The following B4GALNT3 variants were observed in gnomAD, a reference collection of about 807,000 sequenced individuals.
B4GALNT3 encodes the protein beta-1,4-N-acetyl-galactosaminyltransferase 3, also known as beta-1,4-N-acetylgalactosaminyltransferase 3.
B4GALNT3 carries 86 observed loss-of-function variants against 120.2 expected under a neutral mutation model. That is an observed-to-expected ratio of 0.72 (90% CI 0.60 to 0.86). B4GALNT3 has a LOEUF of 0.86. B4GALNT3 is among the 40% of genes least tolerant of loss of function. The pLI, the probability that B4GALNT3 is intolerant of heterozygous loss-of-function variation, is 0.00. For synonymous variants in B4GALNT3, 518 were observed against 510.4 expected (o/e 1.01, Z -0.20); for missense variants, 1,167 against 1,298.9 (o/e 0.90, Z 1.56).
At chr12:523,859 G>A (rs962439805) in intron 1 of B4GALNT3, among the ~76,000 whole-genome samples, 5 of 152,260 alleles carry the variant, frequency 3.3e-5, no homozygotes, top group South Asian at 2.1e-4. Context: ...TCAGGAGTTC[G>A]AGACCAGCCT....
intron 1 of B4GALNT3, among the ~76,000 whole-genome samples, chr12:502,471 G>C (rs1013014818): frequency 6.6e-6 from 1 of 152,092 alleles, no homozygotes; most frequent in Non-Finnish European, 1.5e-5. Flanking sequence ...CAAATGATGA[G>C]GACAGGCAAG....
At chr12:535,335 A>G in intron 2 of B4GALNT3, 66 bp downstream of exon 2, 1 of 1,383,914 alleles carries the variant, frequency 7.2e-7, no homozygotes, top group Non-Finnish European at 1.0e-6. Context: ...TGCTCTGCCC[A>G]GTTGCCTTAA....
At position 556,726 on chromosome 12, in the gene B4GALNT3, C is replaced by T. The variant is rs747505365; in HGVS notation, c.2240C>T (p.Ala747Val). ...IDPAGGEEVE[A>V]RNLQGLVWDP... ...CCAGCTGGTGGGGAGGAGGTCGAGGCCCGGAACCTGCAAGGCCTGGTCTGG... is the reference window on the plus strand; with the variant it reads ...CCAGCTGGTGGGGAGGAGGTCGAGGTCCGGAACCTGCAAGGCCTGGTCTGG... The change falls in exon 15 of 20, where the codon GCC (alanine) becomes GTC (valine). Residue 747 changes from alanine (A) to valine (V), a missense_variant. By Grantham distance (64) the Ala-to-Val change is moderately conservative (BLOSUM62 0). Transcript: ENST00000266383. The T allele has an allele frequency of 6.2e-7, 1 of 1,613,822 alleles. No individual in the cohort carries two copies. The highest frequency in any genetic ancestry group is 8.5e-7 in the Non-Finnish European group (1 of 1,179,984).
intron 3 of B4GALNT3, among the ~76,000 whole-genome samples, chr12:536,752 G>T (rs551787292): frequency 1.5e-4 from 23 of 152,322 alleles, no homozygotes; most frequent in Admixed American, 2.6e-4. Context: ...TGTGTGGCAG[G>T]CTTTGTGGAT....
intron 1 of B4GALNT3, among the ~76,000 whole-genome samples, chr12:488,622 CA>C (rs1236859187): frequency 6.6e-6 from 1 of 152,066 alleles, no homozygotes; most frequent in Admixed American, 6.6e-5. Flanking sequence ...GCCTGGGCAA[CA>C]TAGCAAGACC....
At chr12:554,019 G>T (rs1374979123) in intron 14 of B4GALNT3, 36 bp downstream of exon 14, 1 of 1,467,426 alleles carries the variant, frequency 6.8e-7, no homozygotes, top group Admixed American at 1.7e-5. Flanking sequence ...CAGGGACTGG[G>T]GCACGTGGCA....
intron 1 of B4GALNT3, among the ~76,000 whole-genome samples, chr12:515,743 T>C (rs777261025): frequency 2.0e-5 from 3 of 152,156 alleles, no homozygotes; most frequent in Non-Finnish European, 2.9e-5. Context: ...AGCGCCTGAC[T>C]CTGAAGTTCT....
chr12:476,915 C>T (rs1364755469), intron 1 of B4GALNT3, among the ~76,000 whole-genome samples: 1 of 152,214 alleles, frequency 6.6e-6, no homozygotes, highest in African/African-American at 2.4e-5. Flanking sequence ...TGGCAGACAT[C>T]TCCAATAGAA....
At chr12:504,213 C>T (rs922292461) in intron 1 of B4GALNT3, among the ~76,000 whole-genome samples, 2 of 148,884 alleles carry the variant, frequency 1.3e-5, no homozygotes, top group African/African-American at 5.0e-5. Flanking sequence ...CCTGGGAAGT[C>T]GAGGCTGCAG....
intron 1 of B4GALNT3, among the ~76,000 whole-genome samples, chr12:498,830 G>A (rs1365286662): frequency 6.6e-6 from 1 of 152,218 alleles, no homozygotes; most frequent in Non-Finnish European, 1.5e-5. Flanking sequence ...GTGGGTCAGA[G>A]AGCACCATTC....
At chr12:497,398 C>A (rs1483933484) in intron 1 of B4GALNT3, among the ~76,000 whole-genome samples, 6 of 152,206 alleles carry the variant, frequency 3.9e-5, no homozygotes, top group Non-Finnish European at 7.3e-5. Flanking sequence ...CCGCCTCGGC[C>A]TCCCAAAGTG....
Position 536,383 on chromosome 12 carries a change from C to G in B4GALNT3, c.351+88C>G. Reference sequence around the variant, plus strand: ...TCCAGAGATCACAGAAAACTTTCTACTAGGGACCTTCTACCGTACCTACTC... The same window carrying G: ...TCCAGAGATCACAGAAAACTTTCTAGTAGGGACCTTCTACCGTACCTACTC... On this transcript the variant is annotated intron_variant, in intron 3 of 19. Coordinates refer to ENST00000266383, the MANE Select transcript of B4GALNT3 (RefSeq NM_173593.4). 5 of 1,095,854 alleles carry G rather than the reference C, an allele frequency of 4.6e-6. No homozygotes were observed. The Admixed American group carries it at 5.5e-5, about 12-fold the overall frequency. 67.9% of individuals were successfully genotyped at this position (1,095,854 alleles called of 1,614,324 possible).
chr12:480,280 A>C (rs1765905779), intron 1 of B4GALNT3, among the ~76,000 whole-genome samples: 1 of 152,140 alleles, frequency 6.6e-6, no homozygotes, highest in African/African-American at 2.4e-5. Flanking sequence ...TTTTTCTCTT[A>C]AGCATATGGT....
rs1946987818 is a variant in B4GALNT3, at chr12:545,683, AGCGAG to A, written c.639+216_639+220del. Among the ~76,000 whole-genome samples, 48 of 110,254 alleles carry A rather than the reference AGCGAG, an allele frequency of 4.4e-4. 1 individual carries two copies. The highest frequency in any genetic ancestry group is 1.1e-3 in the South Asian group (3 of 2,808). 72.3% of individuals were successfully genotyped at this position (110,254 alleles called of 152,430 possible). A position where few individuals can be genotyped will look rare whatever the true frequency, so the allele number is the denominator to read the frequency against. The stretch of plus-strand genomic sequence containing the variant: ...TGGGGAGGAGCGAGGTGTGGGGAGG[AGCGAG>A]GTGTGGGGAGGAGTGAGGAATGGGG... On this transcript the variant is annotated intron_variant, in intron 6 of 19. Coordinates refer to ENST00000266383, the MANE Select transcript of B4GALNT3 (RefSeq NM_173593.4).
At chr12:558,213 CTCTG>C in intron 17 of B4GALNT3, 125 bp downstream of exon 17, 1 of 1,058,164 alleles carries the variant, frequency 9.5e-7, no homozygotes, top group Non-Finnish European at 1.4e-6. Context: ...AGGAGGTCCT[CTCTG>C]CTGTGCTGCA....
chr12:526,696 A>G (rs1366004218), intron 1 of B4GALNT3, among the ~76,000 whole-genome samples: 1 of 151,896 alleles, frequency 6.6e-6, no homozygotes, highest in African/African-American at 2.4e-5. Flanking sequence ...GTTTGTAATG[A>G]TGATGATGAT....
intron 1 of B4GALNT3, among the ~76,000 whole-genome samples, chr12:504,921 G>A (rs1236633816): frequency 2.7e-5 from 4 of 147,998 alleles, no homozygotes; most frequent in Admixed American, 6.7e-5. Context: ...ATGGAGTTTC[G>A]CTCTTGTTGC....
At position 546,596 on chromosome 12, in the gene B4GALNT3, C is replaced by T. The variant is rs1358982181; in HGVS notation, c.640-50C>T. 8 of 1,507,024 alleles carry T rather than the reference C, an allele frequency of 5.3e-6. No individual in the cohort carries two copies. In the East Asian group the frequency reaches 7.4e-5, roughly 14 times the overall value. 93.4% of individuals were successfully genotyped at this position (1,507,024 alleles called of 1,614,324 possible). On this transcript the variant is annotated intron_variant, in intron 6 of 19. Transcript: ENST00000266383. ...GGTCTCGCACTCACCGCCTCGCGTG[C>T]TTCCTGTTTTCTCTGTTCCTCCCTC...
At chr12:545,179 T>C (rs1236122584) in intron 5 of B4GALNT3, 190 bp from the exon 6 acceptor site, 4 of 1,443,806 alleles carry the variant, frequency 2.8e-6, no homozygotes, top group Non-Finnish European at 3.6e-6. Flanking sequence ...TGGAACCAGC[T>C]CATCTCTCCA....
Sources: gnomAD v4.1 joint callset for allele counts (sites outside exome capture counted in the v4.1 genomes callset) on GRCh38, gnomAD v4.1.1 for gene constraint, MANE v1.5 for transcripts, NCBI Gene and HGNC (gene_info 2026-07-23, HGNC 2026-07-21) for gene names.